Variants in CCNYL1 observed in about 807,000 individuals in gnomAD.
The protein encoded by CCNYL1 is cyclin-Y-like protein 1.
In CCNYL1, 16 loss-of-function variants were observed where a neutral mutation model predicts 44.2. The ratio of observed to expected loss-of-function variants is 0.36; its 90% CI spans 0.25 to 0.55. The LOEUF is 0.55. CCNYL1 is among the 20% of genes least tolerant of loss of function. The pLI is 0.85. For missense variants in CCNYL1, 348 were observed against 451.8 expected (o/e 0.77, Z 2.08); for synonymous variants, 159 against 163.2 (o/e 0.97, Z 0.20).
chr2:207,732,052 C>T (rs746755150), intron 3 of CCNYL1, among the ~76,000 whole-genome samples: 2 of 152,072 alleles, frequency 1.3e-5, no homozygotes, highest in Non-Finnish European at 2.9e-5. Context: ...TCAGGTGATC[C>T]ACCCGCCTTG....
intron 3 of CCNYL1, among the ~76,000 whole-genome samples, chr2:207,730,680 C>G (rs1054551205): frequency 2.0e-5 from 3 of 152,092 alleles, no homozygotes; most frequent in Non-Finnish European, 4.4e-5. Context: ...ATTGCTTGAA[C>G]CTGGGAGGTG....
In CCNYL1 at chr2:207,754,626, G is replaced by GT. The variant is rs2091917903; in HGVS notation, c.*931dup. The GT allele has an allele frequency of 6.6e-6, 1 of 152,268 alleles. No homozygotes were observed. 9.4% of individuals were successfully genotyped at this position (152,268 alleles called of 1,614,324 possible). ...ATTTGAAAGTTTTTTGTTTTGTTTT[G>GT]TTTGTTTTTAAAGAGATGGGGGTCT... On this transcript the variant is annotated 3_prime_UTR_variant, in exon 10 of 10. Transcript: ENST00000295414.
chr2:207,742,125 TG>T, intron 6 of CCNYL1, 97 bp from the exon 7 acceptor site: 1 of 1,215,426 alleles, frequency 8.2e-7, no homozygotes. Flanking sequence ...CACTCCAGCC[TG>T]GGCAGTAAGA....
intron 1 of CCNYL1, among the ~76,000 whole-genome samples, chr2:207,721,927 T>G (rs1274488831): frequency 6.6e-6 from 1 of 152,046 alleles, no homozygotes; most frequent in Non-Finnish European, 1.5e-5. Context: ...TCTTGGGAAG[T>G]CCCAAGAGAA....
At chr2:207,742,930 C>G (rs540254801) in intron 7 of CCNYL1, among the ~76,000 whole-genome samples, 2 of 152,332 alleles carry the variant, frequency 1.3e-5, no homozygotes, top group African/African-American at 4.8e-5. Context: ...GTGTCCTTAA[C>G]TTTATGTCCT....
chr2:207,748,983 A>T (rs115661088), intron 8 of CCNYL1, among the ~76,000 whole-genome samples: 1 of 152,246 alleles, frequency 6.6e-6, no homozygotes, highest in Non-Finnish European at 1.5e-5. Context: ...ATTTATTATT[A>T]TGAACACTTA....
intron 4 of CCNYL1, among the ~76,000 whole-genome samples, chr2:207,736,556 A>G (rs1458111990): frequency 6.6e-6 from 1 of 152,226 alleles, no homozygotes; most frequent in African/African-American, 2.4e-5. Context: ...GGATAGCTAC[A>G]CCTATCATTG....
chr2:207,743,241 G>T (rs1037663352), intron 7 of CCNYL1, among the ~76,000 whole-genome samples: 1 of 152,194 alleles, frequency 6.6e-6, no homozygotes, highest in African/African-American at 2.4e-5. Flanking sequence ...CAGGAGTGGT[G>T]CTTCCAGATG....
At chr2:207,716,321 A>C (rs189270854) in intron 1 of CCNYL1, among the ~76,000 whole-genome samples, 1 of 148,062 alleles carries the variant, frequency 6.8e-6, no homozygotes, top group Non-Finnish European at 1.5e-5. Context: ...TCTTTCCAGT[A>C]GCTATTTTAA....
At position 207,711,783 on chromosome 2, in the gene CCNYL1, G is replaced by T. The variant is rs953244439; in HGVS notation, c.-114G>T. 2 of 647,344 alleles carry T rather than the reference G, an allele frequency of 3.1e-6. No homozygotes were observed. Among genetic ancestry groups the T allele is most frequent in the Non-Finnish European group, 4.6e-6 (2 of 437,330 alleles). 40.1% of individuals were successfully genotyped at this position (647,344 alleles called of 1,614,324 possible). Reference sequence around the variant, plus strand: ...TCTGCTTGCGCGGTGCAGCCCCAGCGTAGCCCGGGGCTGCCGGTGCCGGCC... The same window carrying T: ...TCTGCTTGCGCGGTGCAGCCCCAGCTTAGCCCGGGGCTGCCGGTGCCGGCC... On this transcript the variant is annotated 5_prime_UTR_variant, in exon 1 of 10. Transcript: ENST00000295414.
At chr2:207,712,565 C>T (rs975604954) in intron 1 of CCNYL1, among the ~76,000 whole-genome samples, 2 of 152,166 alleles carry the variant, frequency 1.3e-5, no homozygotes, top group African/African-American at 4.8e-5. Context: ...TCTGATTGTT[C>T]CTTCCTCCCA....
intron 7 of CCNYL1, among the ~76,000 whole-genome samples, chr2:207,742,934 A>T (rs1006622653): frequency 2.6e-5 from 4 of 152,192 alleles, no homozygotes; most frequent in African/African-American, 9.6e-5. Context: ...CCTTAACTTT[A>T]TGTCCTCCAT....
Position 207,753,543 on chromosome 2 carries a change from C to G in CCNYL1, c.970-45C>G, listed in dbSNP as rs199796195. ...ATGGTGCTCTTTCAAAGGCGGGAACCCTTTTTAAAATTGTACCTGTTTTCT... is the reference window on the plus strand; with the variant it reads ...ATGGTGCTCTTTCAAAGGCGGGAACGCTTTTTAAAATTGTACCTGTTTTCT... On this transcript the variant is annotated intron_variant, in intron 9 of 9. Transcript: ENST00000295414. 3 of 1,324,750 alleles carry G rather than the reference C, an allele frequency of 2.3e-6. No individual in the cohort carries two copies. The South Asian group carries it at 3.6e-5, about 16-fold the overall frequency. The allele number at this position is 1,324,750 out of a possible 1,614,324, so 82.1% of individuals were successfully genotyped here.
chr2:207,754,739 G>A lies in CCNYL1; in HGVS notation c.*1041G>A, dbSNP rs1269091606. 6.5e-6 allele frequency: 1 copy of A among 154,192 alleles called. No individual in the cohort carries two copies. Among genetic ancestry groups the A allele is most frequent in the Non-Finnish European group, 1.5e-5 (1 of 68,210 alleles). The allele number at this position is 154,192 out of a possible 1,614,324, so 9.6% of individuals were successfully genotyped here. ...GCAGCCTAGAACTTCCTGGTCTCAA[G>A]CCATCCTCTAGCCTCAGCCACACAA... On this transcript the variant is annotated 3_prime_UTR_variant, in exon 10 of 10. Transcript: ENST00000295414.
intron 9 of CCNYL1, among the ~76,000 whole-genome samples, chr2:207,752,168 A>G (rs1164723097): frequency 6.6e-6 from 1 of 152,154 alleles, no homozygotes; most frequent in Non-Finnish European, 1.5e-5. Context: ...GTGCAGTCCC[A>G]TGAGTTTTTT....
At chr2:207,747,624 C>CT (rs1260817691) in intron 8 of CCNYL1, among the ~76,000 whole-genome samples, 1 of 152,204 alleles carries the variant, frequency 6.6e-6, no homozygotes, top group Admixed American at 6.5e-5. Context: ...TCTCGGCTCA[C>CT]TGCAAGCTCC....
intron 9 of CCNYL1, 88 bp from the exon 10 acceptor site, chr2:207,753,500 A>G: frequency 1.2e-6 from 1 of 843,494 alleles, no homozygotes; most frequent in Non-Finnish European, 2.0e-6. Flanking sequence ...AAAGGAGTCC[A>G]CATGTGTGGC....
intron 2 of CCNYL1, among the ~76,000 whole-genome samples, chr2:207,725,126 A>ATTTTTTTT: frequency 7.4e-6 from 1 of 135,398 alleles, no homozygotes; most frequent in Non-Finnish European, 1.5e-5. Flanking sequence ...AGTAACATGG[A>ATTTTTTTT]TTTTTTTTTT....
intron 1 of CCNYL1, among the ~76,000 whole-genome samples, chr2:207,720,448 G>A (rs573809221): frequency 5.4e-5 from 8 of 148,138 alleles, no homozygotes; most frequent in South Asian, 4.3e-4. Flanking sequence ...TCTGCCTGTC[G>A]CCCAGGCTGG....
Sources: gnomAD v4.1 joint callset for allele counts (sites outside exome capture counted in the v4.1 genomes callset) on GRCh38, gnomAD v4.1.1 for gene constraint, MANE v1.5 for transcripts, NCBI Gene and HGNC (gene_info 2026-07-23, HGNC 2026-07-21) for gene names.